The following ZNF35 variants were observed in gnomAD, a reference collection of about 807,000 sequenced individuals.
The protein encoded by ZNF35 is zinc finger protein 35 (clone HF.10).
Under a neutral mutation model 45.9 loss-of-function variants are expected in ZNF35, and 31 were observed. The ratio of observed to expected loss-of-function variants is 0.68; its 90% CI spans 0.51 to 0.91. ZNF35 has a LOEUF of 0.91. Ranked by LOEUF, ZNF35 falls within the 40% of genes least tolerant of loss-of-function variation. The probability of loss-of-function intolerance (pLI) is 0.00; values close to 1 mark genes in which losing one functional copy is unlikely to be tolerated. For missense variants in ZNF35, 515 were observed against 625.4 expected, an observed-to-expected ratio of 0.82 and a Z score of 1.88; for synonymous variants, 205 against 220.2, an observed-to-expected ratio of 0.93 and a Z score of 0.61.
chr3:44,651,189 A>G lies in ZNF35; in HGVS notation c.122A>G (p.Glu41Gly). ...GCATCCAGCCAACAAGTGCACTCCG[A>G]GAACATCAAAGTCTGGGCCCCAGTG... is the stretch of plus-strand genomic sequence containing the variant. ...GQASSQQVHSENIKVWAPVQG... is the reference protein window; with the variant it reads ...GQASSQQVHSGNIKVWAPVQG... Residue 41 changes from glutamate (E) to glycine (G), a missense_variant, in exon 2 of 4, where the codon GAG becomes GGG. Around this residue, in one of 3 missense-constraint regions of ZNF35, gnomAD observed 275 missense variants for 295.7 expected, o/e 0.93. Coordinates refer to ENST00000396056, the MANE Select transcript of ZNF35 (RefSeq NM_003420.4). 6.2e-7 allele frequency: 1 copy of G among 1,614,210 alleles called. No individual in the cohort carries two copies. Among genetic ancestry groups the G allele is most frequent in the Non-Finnish European group, 8.5e-7 (1 of 1,180,032 alleles).
chr3:44,650,845 C>T lies in ZNF35; in HGVS notation c.-127-96C>T, dbSNP rs138707208. Reference sequence around the variant, plus strand: ...TGTCCTACATTGGCCCCTGGCCAGGCGCTGGTGAAATTTGCCGGTGTGGCA... The same window carrying T: ...TGTCCTACATTGGCCCCTGGCCAGGTGCTGGTGAAATTTGCCGGTGTGGCA... On this transcript the variant is annotated intron_variant, in intron 1 of 3. Coordinates refer to ENST00000396056, the MANE Select transcript of ZNF35 (RefSeq NM_003420.4). 2.1e-3 allele frequency: 988 copies of T among 475,712 alleles called. 12 individuals carry two copies. The highest frequency in any genetic ancestry group is 0.017 in the African/African-American group (879 of 51,278). The allele number at this position is 475,712 out of a possible 1,614,324, so 29.5% of individuals were successfully genotyped here. A position where few individuals can be genotyped will look rare whatever the true frequency, so the allele number is the denominator to read the frequency against.
At position 44,659,047 on chromosome 3, in the gene ZNF35, G is replaced by C. The variant is rs1411961619; in HGVS notation, c.684G>C (p.Gly228=). 1.2e-6 allele frequency: 2 copies of C among 1,614,224 alleles called. No individual in the cohort carries two copies. The highest frequency in any genetic ancestry group is 4.5e-5 in the East Asian group (2 of 44,884). ...GQKPFTCSVC[G]KGFSQSANLV... The stretch of plus-strand genomic sequence containing the variant: ...AGCCTTTTACGTGTAGCGTGTGTGG[G>C]AAAGGATTTAGTCAGAGTGCAAACC... The change falls in exon 4 of 4, where the codon GGG becomes GGC. Residue 228 remains glycine, a synonymous_variant. Coordinates refer to ENST00000396056, the MANE Select transcript of ZNF35 (RefSeq NM_003420.4). The surrounding 1 kb of genome is among the most constrained non-coding windows in gnomAD (Gnocchi z 4.3).
At chr3:44,654,287 C>T (rs546464023) in intron 3 of ZNF35, among the ~76,000 whole-genome samples, 2 of 152,256 alleles carry the variant, frequency 1.3e-5, no homozygotes, top group African/African-American at 2.4e-5. Flanking sequence ...ATTTCCATGG[C>T]GATGTCAGCA....
intron 1 of ZNF35, among the ~76,000 whole-genome samples, chr3:44,650,238 T>G (rs1423460292): frequency 6.6e-6 from 1 of 152,212 alleles, no homozygotes; most frequent in Non-Finnish European, 1.5e-5. Context: ...AGTAATCTTT[T>G]TTTAAATCTT....
chr3:44,651,253 A>G lies in ZNF35; in HGVS notation c.186A>G (p.Glu62=). 6.2e-7 allele frequency: 1 copy of G among 1,611,822 alleles called. No homozygotes were observed. Among genetic ancestry groups the G allele is most frequent in the Non-Finnish European group, 8.5e-7 (1 of 1,179,204 alleles). The part of the protein sequence containing the change: ...LQTGLDGSEE[E]EKGQNISWDM... The stretch of plus-strand genomic sequence containing the variant: ...CAGGCCTTGATGGATCAGAAGAGGA[A>G]GAAAAGGTAAACGGGGGCCTGAGAG... The change falls in exon 2 of 4, where the codon GAA becomes GAG. Residue 62 remains glutamate (E), a synonymous_variant. Coordinates refer to ENST00000396056, the MANE Select transcript of ZNF35 (RefSeq NM_003420.4).
Position 44,651,269 on chromosome 3 carries a change from G to T in ZNF35, c.192+10G>T. On this transcript the variant is annotated intron_variant, in intron 2 of 3. Coordinates refer to ENST00000396056, the MANE Select transcript of ZNF35 (RefSeq NM_003420.4). The stretch of plus-strand genomic sequence containing the variant: ...AGAAGAGGAAGAAAAGGTAAACGGG[G>T]GCCTGAGAGGAAGAGGGGAGGAGAT... 2.5e-6 allele frequency: 4 copies of T among 1,608,920 alleles called. No individual in the cohort carries two copies. The highest frequency in any genetic ancestry group is 3.4e-6 in the Non-Finnish European group (4 of 1,177,916).
chr3:44,650,525 A>C (rs572312810), intron 1 of ZNF35, among the ~76,000 whole-genome samples: 168 of 152,352 alleles, frequency 1.1e-3, no homozygotes, highest in African/African-American at 3.9e-3. Flanking sequence ...CCCCAAAGTC[A>C]AAAACAAGAA....
In ZNF35 at chr3:44,660,057, T is replaced by A; in HGVS notation, c.*110T>A. 2 of 1,168,146 alleles carry A rather than the reference T, an allele frequency of 1.7e-6. No homozygotes were observed. Among genetic ancestry groups the A allele is most frequent in the Non-Finnish European group, 2.3e-6 (2 of 861,846 alleles). The allele number at this position is 1,168,146 out of a possible 1,614,324, so 72.4% of individuals were successfully genotyped here. A position where few individuals can be genotyped will look rare whatever the true frequency, so the allele number is the denominator to read the frequency against. ...TCTATAAAAGTGAGGGCTGTGTCCT[T>A]AAAAGTTATAGTTTTCAGGAATGCA... On this transcript the variant is annotated 3_prime_UTR_variant, in exon 4 of 4. Transcript: ENST00000396056.
chr3:44,659,520 G>A lies in ZNF35; in HGVS notation c.1157G>A (p.Gly386Asp). ...NLIVHQRSHTGEKPYECKECG... is the reference protein window; with the variant it reads ...NLIVHQRSHTDEKPYECKECG... ...ATTGTACATCAGCGAAGCCATACTG[G>A]TGAGAAGCCATATGAGTGTAAAGAG... The change falls in exon 4 of 4, where the codon GGT (glycine) becomes GAT (aspartate). Residue 386 changes from glycine (G) to aspartate (D), a missense_variant. By Grantham distance (94) the Gly-to-Asp change is moderately conservative. This residue lies in a region of ZNF35 where 232 missense variants were observed against 304.6 expected (regional missense o/e 0.76). Coordinates refer to ENST00000396056, the MANE Select transcript of ZNF35 (RefSeq NM_003420.4). The surrounding 1 kb of genome is among the most constrained non-coding windows in gnomAD (Gnocchi z 4.3). 1 of 1,613,858 alleles carries A rather than the reference G, an allele frequency of 6.2e-7. No homozygotes were observed. The highest frequency in any genetic ancestry group is 8.5e-7 in the Non-Finnish European group (1 of 1,179,982).
At chr3:44,655,830 C>T (rs989606714) in intron 3 of ZNF35, among the ~76,000 whole-genome samples, 7 of 152,162 alleles carry the variant, frequency 4.6e-5, no homozygotes, top group East Asian at 1.9e-4. Flanking sequence ...GAATTGTTTC[C>T]GTTATTGGCT....
At position 44,650,530 on chromosome 3, in the gene ZNF35, CAAG is replaced by C. The variant is rs552388466; in HGVS notation, c.-127-408_-127-406del. On this transcript the variant is annotated intron_variant, in intron 1 of 3. Coordinates refer to ENST00000396056, the MANE Select transcript of ZNF35 (RefSeq NM_003420.4). ...AAATATGTATCCCCAAAGTCAAAAACAAGAATTTGTAAAATCATAATTATTAGT... is the reference window on the plus strand; with the variant it reads ...AAATATGTATCCCCAAAGTCAAAAACAATTTGTAAAATCATAATTATTAGT... 1.7e-4 allele frequency among the ~76,000 whole-genome samples: 26 copies of C among 152,214 alleles called. No homozygotes were observed. The South Asian group carries it at 4.8e-3, about 28-fold the overall frequency.
chr3:44,658,528 GC>G (rs1703348718), intron 3 of ZNF35, among the ~76,000 whole-genome samples, 172 bp from the exon 4 acceptor site: 1 of 152,230 alleles, frequency 6.6e-6, no homozygotes, highest in Non-Finnish European at 1.5e-5. Context: ...GGAGGGCAAA[GC>G]CCCAGCTGAA....
intron 3 of ZNF35, among the ~76,000 whole-genome samples, chr3:44,655,332 T>C (rs1703280264): frequency 6.6e-6 from 1 of 151,996 alleles, no homozygotes; most frequent in Non-Finnish European, 1.5e-5. Flanking sequence ...GACTTATAAA[T>C]TTAGTAAATC....
intron 1 of ZNF35, among the ~76,000 whole-genome samples, chr3:44,650,346 C>T (rs944450536): frequency 6.6e-6 from 1 of 152,152 alleles, no homozygotes; most frequent in Non-Finnish European, 1.5e-5. Context: ...CCTGTAATTA[C>T]ACCATCCAGA....
chr3:44,656,317 A>T (rs1703300464), intron 3 of ZNF35, among the ~76,000 whole-genome samples: 1 of 152,218 alleles, frequency 6.6e-6, no homozygotes, highest in Non-Finnish European at 1.5e-5. Flanking sequence ...CAGAGAGAAA[A>T]ACAGAACATT....
At chr3:44,658,607 C>A in intron 3 of ZNF35, 94 bp from the exon 4 acceptor site, 1 of 1,372,904 alleles carries the variant, frequency 7.3e-7, no homozygotes, top group Non-Finnish European at 9.9e-7. Flanking sequence ...TGTGGAGGTG[C>A]TGAAATCACA....
chr3:44,660,119 T>A lies in ZNF35; in HGVS notation c.*172T>A. ...AAGAAAAGCATTTCAGAGGCTAATTTAAAACAAAAAGTAAGCACCTAAAGG... is the reference window on the plus strand; with the variant it reads ...AAGAAAAGCATTTCAGAGGCTAATTAAAAACAAAAAGTAAGCACCTAAAGG... On this transcript the variant is annotated 3_prime_UTR_variant, in exon 4 of 4. Transcript: ENST00000396056. The A allele has an allele frequency of 5.9e-6, 4 of 673,494 alleles. No individual in the cohort carries two copies. Among genetic ancestry groups the A allele is most frequent in the African/African-American group, 1.8e-5 (1 of 55,502 alleles). 41.7% of individuals were successfully genotyped at this position (673,494 alleles called of 1,614,324 possible).
rs751648394 is a variant in ZNF35 at position 44,659,572 on chromosome 3, A to G, written c.1209A>G (p.Ser403=). Residue 403 remains serine, a synonymous_variant, in exon 4 of 4, where the codon TCA becomes TCG. Transcript: ENST00000396056. The surrounding 1 kb of genome is among the most constrained non-coding windows in gnomAD (Gnocchi z 4.3). The stretch of plus-strand genomic sequence containing the variant: ...GTGGGAAAGCCTTTAGTTGTTTTTC[A>G]CACCTTATTGTGCACCAGAGAATTC... ...KECGKAFSCF[S]HLIVHQRIHT... 20 of 1,613,800 alleles carry G rather than the reference A, an allele frequency of 1.2e-5. No homozygotes were observed. The South Asian group carries it at 2.1e-4, about 17-fold the overall frequency.
chr3:44,657,186 A>G (rs1703324758), intron 3 of ZNF35, among the ~76,000 whole-genome samples: 1 of 152,072 alleles, frequency 6.6e-6, no homozygotes, highest in South Asian at 2.1e-4. Context: ...CCACCCCAAC[A>G]TCCTTGTCCC....
Sources: gnomAD v4.1 joint callset for allele counts (sites outside exome capture counted in the v4.1 genomes callset) on GRCh38, gnomAD v4.1.1 for gene constraint, gnomAD v4.1.1 regional missense constraint, Gnocchi (gnomAD v3.1) non-coding constraint, MANE v1.5 for transcripts, NCBI Gene and HGNC (gene_info 2026-07-23, HGNC 2026-07-21) for gene names.